The following KALRN variants were observed in gnomAD, a reference collection of about 807,000 sequenced individuals.
KALRN encodes the protein kalirin RhoGEF kinase, also known as kalirin.
A neutral mutation model predicts 353.7 loss-of-function variants in KALRN; 70 were observed. The ratio of observed to expected loss-of-function variants is 0.20; its 90% CI spans 0.16 to 0.24. The LOEUF is 0.24. Among genes scored for constraint, KALRN ranks in the 10% least tolerant of loss-of-function variants. The pLI is 1.00. For missense variants in KALRN, 2,791 were observed against 3,756.7 expected, an observed-to-expected ratio of 0.74 and a Z score of 6.72; for synonymous variants, 1,391 against 1,434.8, an observed-to-expected ratio of 0.97 and a Z score of 0.69.
At chr3:124,390,001 A>C (rs1394925121) in intron 11 of KALRN, among the ~76,000 whole-genome samples, 1 of 152,250 alleles carries the variant, frequency 6.6e-6, no homozygotes. Flanking sequence ...TTTCTTATAC[A>C]TCCAGAGCCT....
intron 29 of KALRN, 144 bp downstream of exon 29, chr3:124,488,459 T>A (rs755258482): frequency 1.6e-6 from 1 of 639,054 alleles, no homozygotes; most frequent in East Asian, 2.8e-5. Flanking sequence ...TAGGCCCTTG[T>A]CATGTGAGAG....
chr3:124,240,793 C>T (rs950027597), intron 3 of KALRN, among the ~76,000 whole-genome samples: 1 of 152,122 alleles, frequency 6.6e-6, no homozygotes, highest in African/African-American at 2.4e-5. Context: ...GCATGCTAGT[C>T]ACCATTTCTA....
intron 10 of KALRN, among the ~76,000 whole-genome samples, chr3:124,360,724 C>T (rs2083939681): frequency 6.6e-6 from 1 of 152,164 alleles, no homozygotes; most frequent in Admixed American, 6.5e-5. Flanking sequence ...TCAACTTGCC[C>T]AGATTAAGAG....
At chr3:124,573,465 AG>A (rs1002034460) in intron 34 of KALRN, among the ~76,000 whole-genome samples, 1 of 152,040 alleles carries the variant, frequency 6.6e-6, no homozygotes, top group Non-Finnish European at 1.5e-5. Context: ...GGATTGTTCA[AG>A]GGGTCAGGGT....
At chr3:124,519,551 G>C in intron 33 of KALRN, 8 of 985,300 alleles carry the variant, frequency 8.1e-6, no homozygotes, top group Non-Finnish European at 9.6e-6. Context: ...TCCCTGGCTG[G>C]GTTATGGGGG....
chr3:124,570,628 ATGT>A (rs915665286), intron 34 of KALRN, among the ~76,000 whole-genome samples: 38 of 152,300 alleles, frequency 2.5e-4, no homozygotes, highest in African/African-American at 8.9e-4. Flanking sequence ...TGAATAAGAA[ATGT>A]TGTAATTTAT....
intron 10 of KALRN, among the ~76,000 whole-genome samples, chr3:124,355,160 G>A (rs2083249268): frequency 6.6e-6 from 1 of 152,202 alleles, no homozygotes; most frequent in South Asian, 2.1e-4. Flanking sequence ...AGTTCAAAAA[G>A]TGTAGTTTGT....
Position 124,537,142 on chromosome 3 carries a change from G to A in KALRN, c.4936-25701G>A, listed in dbSNP as rs138741049. ...CTGCAACCTCCACCTCCCGGTTTCA[G>A]GCAATTCTCATGCCTCAGCCTCCTG... On this transcript the variant is annotated intron_variant, in intron 33 of 59. Transcript: ENST00000682506. Among the ~76,000 whole-genome samples the A allele has an allele frequency of 9.4e-3, 1,428 of 152,232 alleles. 8 individuals are homozygous for A. The highest frequency in any genetic ancestry group is 0.014 in the African/African-American group (593 of 41,526).
intron 21 of KALRN, among the ~76,000 whole-genome samples, chr3:124,453,232 A>G (rs143557298): frequency 0.011 from 1,727 of 152,234 alleles, 30 homozygotes; most frequent in African/African-American, 0.04. Flanking sequence ...ATGGCTGAGG[A>G]GATGTTTCGG....
At chr3:124,293,120 GC>G (rs1560482752) in intron 5 of KALRN, among the ~76,000 whole-genome samples, 1 of 152,212 alleles carries the variant, frequency 6.6e-6, no homozygotes, top group African/African-American at 2.4e-5. Context: ...TAGGGCACAA[GC>G]TTTTATGGAT....
At chr3:124,597,417 A>G (rs16835634) in intron 34 of KALRN, among the ~76,000 whole-genome samples, 46,564 of 152,144 alleles carry the variant, frequency 0.31, 7,706 homozygotes, top group East Asian at 0.5. Context: ...ATTGCTGGCT[A>G]AAATAATTAC....
chr3:124,089,446 T>TG (rs548320570), intron 1 of KALRN, among the ~76,000 whole-genome samples: 172 of 152,090 alleles, frequency 1.1e-3, no homozygotes, highest in African/African-American at 3.8e-3. Context: ...CCAAACCTCC[T>TG]GGGGGGTGAA....
At chr3:124,098,762 A>G (rs886236365) in intron 1 of KALRN, among the ~76,000 whole-genome samples, 3 of 151,906 alleles carry the variant, frequency 2.0e-5, no homozygotes, top group African/African-American at 4.8e-5. Context: ...CTACCTTTTT[A>G]TGTCACCTTG....
At chr3:124,544,971 G>A (rs1027199511) in intron 33 of KALRN, among the ~76,000 whole-genome samples, 4 of 152,188 alleles carry the variant, frequency 2.6e-5, no homozygotes, top group Non-Finnish European at 5.9e-5. Flanking sequence ...TGTAGTTGCT[G>A]TGGAATAAGG....
At chr3:124,193,880 AT>A (rs1273618905) in intron 1 of KALRN, among the ~76,000 whole-genome samples, 2 of 152,124 alleles carry the variant, frequency 1.3e-5, no homozygotes, top group Non-Finnish European at 2.9e-5. Flanking sequence ...GCATTTCCCT[AT>A]TTTTTTAAGA....
Position 124,632,704 on chromosome 3 carries a change from G to A in KALRN, c.5466+1G>A. On this transcript the variant is annotated splice_donor_variant, in intron 35 of 59. Transcript: ENST00000682506. LOFTEE classifies it high-confidence loss of function. ...CCCTCAGGGAGACAGCGCTGATGAG[G>A]TACTTACAGGGGGCCCTGGAGTTGT... 1 of 1,612,954 alleles carries A rather than the reference G, an allele frequency of 6.2e-7. No homozygotes were observed. Among genetic ancestry groups the A allele is most frequent in the Non-Finnish European group, 8.5e-7 (1 of 1,179,182 alleles).
chr3:124,662,193 CTTTTTTTTT>C (rs10549005), intron 45 of KALRN, among the ~76,000 whole-genome samples: 12 of 96,858 alleles, frequency 1.2e-4, no homozygotes, highest in Admixed American at 4.7e-4. Flanking sequence ...ACCCAGAATT[CTTTTTTTTT>C]TTTTTTTTTT....
intron 6 of KALRN, among the ~76,000 whole-genome samples, chr3:124,321,748 A>G (rs772340738): frequency 1.6e-4 from 25 of 152,078 alleles, no homozygotes; most frequent in Admixed American, 3.3e-4. Flanking sequence ...GAATTTAGTT[A>G]TTTTTCCTGT....
chr3:124,464,182 C>T (rs964599036), intron 25 of KALRN, among the ~76,000 whole-genome samples: 2 of 152,138 alleles, frequency 1.3e-5, no homozygotes, highest in Admixed American at 6.5e-5. Context: ...GTCGTGTTAC[C>T]TTACTTTTCT....
Sources: gnomAD v4.1 joint callset for allele counts (sites outside exome capture counted in the v4.1 genomes callset) on GRCh38, gnomAD v4.1.1 for gene constraint, MANE v1.5 for transcripts, NCBI Gene and HGNC (gene_info 2026-07-23, HGNC 2026-07-21) for gene names.